FGF14: variants seen among roughly 807,000 people sequenced by gnomAD.
FGF14 encodes fibroblast growth factor homologous factor 4.
Under a neutral mutation model 25.5 loss-of-function variants are expected in FGF14, and 5 were observed. The observed-to-expected ratio is 0.20, with a 90% CI of 0.10 to 0.41. The LOEUF (loss-of-function observed/expected upper bound fraction) is 0.41, where lower values mean the gene tolerates loss of function less well. Ranked by LOEUF, FGF14 falls within the 10% of genes least tolerant of loss-of-function variation. FGF14 has a pLI of 1.00. For missense variants in FGF14, 222 were observed against 320.1 expected, an observed-to-expected ratio of 0.69 and a Z score of 2.34; for synonymous variants, 138 against 118.3, an observed-to-expected ratio of 1.17 and a Z score of -1.08.
intron 1 of FGF14, among the ~76,000 whole-genome samples, chr13:102,112,419 T>A (rs2045276949): frequency 6.6e-6 from 1 of 152,116 alleles, no homozygotes; most frequent in Non-Finnish European, 1.5e-5. Flanking sequence ...CCGAGTCACT[T>A]CTCACGCATG....
chr13:101,787,455 T>A (rs1344882119), intron 3 of FGF14, among the ~76,000 whole-genome samples: 1 of 152,140 alleles, frequency 6.6e-6, no homozygotes, highest in Non-Finnish European at 1.5e-5. Flanking sequence ...GTGTTCCTTA[T>A]ACTGTATTTT....
chr13:102,308,714 T>C lies in FGF14; in HGVS notation c.208+92757A>G, dbSNP rs375417555. Reference sequence around the variant, plus strand: ...GGATCAGTCTACAATATATCAAATATCTTCTGAGTTCTGAGTTCTGCGATT... The same window carrying C: ...GGATCAGTCTACAATATATCAAATACCTTCTGAGTTCTGAGTTCTGCGATT... On this transcript the variant is annotated intron_variant, in intron 1 of 4. Coordinates refer to the FGF14 transcript ENST00000376131. Among the ~76,000 whole-genome samples, 253 of 152,124 alleles carry C rather than the reference T, an allele frequency of 1.7e-3. 2 individuals carry two copies. The highest frequency in any genetic ancestry group is 5.6e-3 in the African/African-American group (233 of 41,506).
At chr13:102,148,724 G>A (rs1182056536) in intron 1 of FGF14, among the ~76,000 whole-genome samples, 1 of 152,120 alleles carries the variant, frequency 6.6e-6, no homozygotes, top group Non-Finnish European at 1.5e-5. Flanking sequence ...CCAGGAGGTG[G>A]ACGTTGCAGT....
chr13:101,916,514 C>G lies in FGF14; in HGVS notation c.132G>C (p.Leu44=), dbSNP rs1205169141. 5 of 1,613,772 alleles carry G rather than the reference C, an allele frequency of 3.1e-6. No individual in the cohort carries two copies. The highest frequency in any genetic ancestry group is 3.4e-6 in the Non-Finnish European group (4 of 1,179,940). ...SKNRGLCNGN[L]VDIFSKVRIF... ...TGCGCACTTTGGAGAAGATATCCAC[C>G]AGGTTGCCGTTGCAGAGCCCGCGGT... The change falls in exon 1 of 5, where the codon CTG becomes CTC. Residue 44 remains leucine, a synonymous_variant. Coordinates refer to ENST00000376143, the MANE Select transcript of FGF14 (RefSeq NM_004115.4).
At position 101,720,513 on chromosome 13, in the gene FGF14, A is replaced by AGAT. The variant is rs941270411; in HGVS notation, c.*2315_*2317dup. On this transcript the variant is annotated 3_prime_UTR_variant, in exon 5 of 5. Transcript: ENST00000376143. ...GTAGGGCTAATTATCAGTAACAAAT[A>AGAT]GATGGGGGTGTTTGCTCTGTGTGTG... 2 of 148,562 alleles carry AGAT rather than the reference A, an allele frequency of 1.3e-5. No homozygotes were observed. Among genetic ancestry groups the AGAT allele is most frequent in the African/African-American group, 5.0e-5 (2 of 39,754 alleles). The allele number at this position is 148,562 out of a possible 1,614,324, so 9.2% of individuals were successfully genotyped here.
chr13:102,146,933 G>T (rs1297573399), intron 1 of FGF14, among the ~76,000 whole-genome samples: 1 of 152,172 alleles, frequency 6.6e-6, no homozygotes, highest in African/African-American at 2.4e-5. Context: ...GAAACTTAGT[G>T]ATCAATCCTT....
intron 1 of FGF14, among the ~76,000 whole-genome samples, chr13:102,077,786 T>C (rs961858644): frequency 6.6e-6 from 1 of 152,156 alleles, no homozygotes. Flanking sequence ...CACTACTGGG[T>C]CTGTATCCAA....
intron 1 of FGF14, chr13:102,394,479 C>T (rs2058519853): frequency 6.6e-6 from 1 of 152,580 alleles, no homozygotes; most frequent in African/African-American, 2.4e-5. Context: ...CCAAGTCTCT[C>T]CCGCGCGGCG....
At chr13:102,183,943 C>T (rs2048777116) in intron 1 of FGF14, among the ~76,000 whole-genome samples, 1 of 152,186 alleles carries the variant, frequency 6.6e-6, no homozygotes. Flanking sequence ...ACCCAGTTGG[C>T]TCATCATACA....
At chr13:102,300,868 C>T (rs1026013201) in intron 1 of FGF14, among the ~76,000 whole-genome samples, 1 of 151,266 alleles carries the variant, frequency 6.6e-6, no homozygotes, top group African/African-American at 2.4e-5. Context: ...TCTAAATTTG[C>T]TTATATTCCC....
intron 1 of FGF14, among the ~76,000 whole-genome samples, chr13:102,030,220 C>T (rs2041142854): frequency 6.6e-6 from 1 of 151,922 alleles, no homozygotes; most frequent in Non-Finnish European, 1.5e-5. Context: ...TTATTGAAAG[C>T]CAAGAAAAAC....
At chr13:101,835,654 C>A (rs946135040) in intron 3 of FGF14, among the ~76,000 whole-genome samples, 25 of 151,914 alleles carry the variant, frequency 1.6e-4, no homozygotes, top group Non-Finnish European at 7.4e-5. Flanking sequence ...GTCTGAGAAA[C>A]CAGCTCTGCT....
intron 3 of FGF14, among the ~76,000 whole-genome samples, chr13:101,770,406 TCA>T (rs2038698733): frequency 6.6e-6 from 1 of 152,112 alleles, no homozygotes; most frequent in Admixed American, 6.6e-5. Context: ...TAAGTGGGAT[TCA>T]TTAAAACAAA....
intron 1 of FGF14, among the ~76,000 whole-genome samples, chr13:102,220,953 A>C (rs1396396056): frequency 1.3e-5 from 2 of 152,196 alleles, no homozygotes; most frequent in Non-Finnish European, 2.9e-5. Flanking sequence ...AAGGAAATGC[A>C]CTACACAGGG....
At chr13:101,937,078 G>A (rs1011437315) in intron 1 of FGF14, among the ~76,000 whole-genome samples, 6 of 152,144 alleles carry the variant, frequency 3.9e-5, no homozygotes, top group African/African-American at 1.4e-4. Context: ...ATTTGTCACA[G>A]CATCCCCAAG....
At chr13:102,026,541 T>G (rs2040938256) in intron 1 of FGF14, among the ~76,000 whole-genome samples, 1 of 151,904 alleles carries the variant, frequency 6.6e-6, no homozygotes. Context: ...TTAAAAAAAT[T>G]TGCTATCTTT....
In FGF14 at chr13:101,719,614, A is replaced by G. The variant is rs1434701788; in HGVS notation, c.*3217T>C. On this transcript the variant is annotated 3_prime_UTR_variant, in exon 5 of 5. Coordinates refer to ENST00000376143, the MANE Select transcript of FGF14 (RefSeq NM_004115.4). Reference sequence around the variant, plus strand: ...TGTTGTCACTTGAAATACCAAAACAACATTTCTGAGCGTTGTTGAGGGACT... The same window carrying G: ...TGTTGTCACTTGAAATACCAAAACAGCATTTCTGAGCGTTGTTGAGGGACT... 8 of 152,070 alleles carry G rather than the reference A, an allele frequency of 5.3e-5. No individual in the cohort carries two copies. The highest frequency in any genetic ancestry group is 1.5e-5 in the Non-Finnish European group (1 of 67,992). The allele number at this position is 152,070 out of a possible 1,614,324, so 9.4% of individuals were successfully genotyped here.
At chr13:102,033,495 ACG>A (rs3065980) in intron 1 of FGF14, among the ~76,000 whole-genome samples, 3,810 of 145,974 alleles carry the variant, frequency 0.026, 177 homozygotes, top group African/African-American at 0.1. Flanking sequence ...TTGCGTGTGC[ACG>A]CACACACACA....
rs957542083 is a variant in FGF14, at chr13:102,265,961, T to C, written c.208+135510A>G. ...TCATTTAAAAAATTGATTAAAATAA[T>C]TAAGAATTAGATAAAATTACAATTG... On this transcript the variant is annotated intron_variant, in intron 1 of 4. Transcript: ENST00000376131. Among the ~76,000 whole-genome samples the C allele has an allele frequency of 2.6e-5, 4 of 152,034 alleles. 1 individual carries two copies.
Sources: gnomAD v4.1 joint callset for allele counts (sites outside exome capture counted in the v4.1 genomes callset) on GRCh38, gnomAD v4.1.1 for gene constraint, MANE v1.5 for transcripts, NCBI Gene and HGNC (gene_info 2026-07-23, HGNC 2026-07-21) for gene names.